The following GRK5 variants were observed in gnomAD, a reference collection of about 807,000 sequenced individuals.
The protein encoded by GRK5 is G protein-coupled receptor kinase 5, also known as g protein-coupled receptor kinase GRK5.
A neutral mutation model predicts 78.4 loss-of-function variants in GRK5; 40 were observed. The observed-to-expected ratio is 0.51, with a 90% CI of 0.40 to 0.66. The LOEUF (loss-of-function observed/expected upper bound fraction) is 0.66, where lower values mean the gene tolerates loss of function less well. GRK5 is among the 30% of genes least tolerant of loss of function. The pLI is 0.00. For missense variants in GRK5, 598 were observed against 759.9 expected (o/e 0.79, Z 2.50); for synonymous variants, 289 against 296.8 (o/e 0.97, Z 0.27).
Position 119,379,904 on chromosome 10 carries a change from C to T in GRK5, c.149-911C>T, listed in dbSNP as rs753510862. ...AGTAACACAGCAAATTGTTGGCTAA[C>T]ACCATGGTCTCTGGGCCTCTTGGTG... is the stretch of plus-strand genomic sequence containing the variant. On this transcript the variant is annotated intron_variant, in intron 2 of 15. Coordinates refer to ENST00000392870, the MANE Select transcript of GRK5 (RefSeq NM_005308.3). The surrounding 1 kb of genome is among the most constrained non-coding windows in gnomAD (Gnocchi z 4.1). Among the ~76,000 whole-genome samples the T allele has an allele frequency of 6.6e-6, 1 of 152,144 alleles. No individual in the cohort carries two copies. The highest frequency in any genetic ancestry group is 2.4e-5 in the African/African-American group (1 of 41,430).
chr10:119,396,058 T>C (rs561814986), intron 3 of GRK5, among the ~76,000 whole-genome samples: 1 of 152,366 alleles, frequency 6.6e-6, no homozygotes, highest in South Asian at 2.1e-4. Context: ...TTGTTTATCC[T>C]TGCAAGGTGT....
chr10:119,230,923 G>A (rs1179982308), intron 1 of GRK5, among the ~76,000 whole-genome samples: 1 of 151,288 alleles, frequency 6.6e-6, no homozygotes, highest in Admixed American at 6.6e-5. Flanking sequence ...AGATCTGGCA[G>A]CAGAAGCTGT....
Position 119,290,371 on chromosome 10 carries a change from C to A in GRK5, c.53-36145C>A, listed in dbSNP as rs112689527. ...CAAAAAAAAAAAAAAAAACAAAAAA[C>A]AACTCTGTCCCCTTCTCCCTGTGGC... On this transcript the variant is annotated intron_variant, in intron 1 of 15. Coordinates refer to ENST00000392870, the MANE Select transcript of GRK5 (RefSeq NM_005308.3). 6.8e-3 allele frequency among the ~76,000 whole-genome samples: 665 copies of A among 98,102 alleles called. 15 individuals are homozygous for A. Among genetic ancestry groups the A allele is most frequent in the Middle Eastern group, 0.018 (4 of 220 alleles). The allele number at this position is 98,102 out of a possible 152,430, so 64.4% of individuals were successfully genotyped here.
intron 1 of GRK5, among the ~76,000 whole-genome samples, chr10:119,284,953 G>A (rs991936413): frequency 3.9e-5 from 6 of 152,368 alleles, no homozygotes; most frequent in East Asian, 3.9e-4. Flanking sequence ...GCCAGTCTGC[G>A]TGGGGATCTG....
intron 10 of GRK5, among the ~76,000 whole-genome samples, 157 bp downstream of exon 10, chr10:119,439,925 T>C (rs915116): frequency 1 from 151,828 of 152,312 alleles, 75,674 homozygotes; most frequent in Middle Eastern, 1. Context: ...AAGCTGTGAG[T>C]GTGAACAGAG....
chr10:119,384,332 T>C (rs542300981), intron 3 of GRK5, among the ~76,000 whole-genome samples: 2 of 152,340 alleles, frequency 1.3e-5, no homozygotes, highest in South Asian at 4.1e-4. Context: ...GCCACACTGC[T>C]GCCCCGTGCT....
At position 119,336,460 on chromosome 10, in the gene GRK5, G is replaced by T. The variant is rs891558666; in HGVS notation, c.148+9849G>T. On this transcript the variant is annotated intron_variant, in intron 2 of 15. Coordinates refer to ENST00000392870, the MANE Select transcript of GRK5 (RefSeq NM_005308.3). This position sits in a 1 kb window ranked among gnomAD's most constrained non-coding sequence, Gnocchi z 4.5. ...TAAGATTGTTTTTTTTTTAAAAAAA[G>T]AATGAATTGGCATGTTCTTTGTCTA... Among the ~76,000 whole-genome samples the T allele has an allele frequency of 2.0e-5, 3 of 152,032 alleles. No individual in the cohort carries two copies. The highest frequency in any genetic ancestry group is 6.6e-5 in the Admixed American group (1 of 15,260).
chr10:119,423,043 A>T, intron 4 of GRK5, 123 bp from the exon 5 acceptor site: 1 of 712,754 alleles, frequency 1.4e-6, no homozygotes, highest in Non-Finnish European at 2.6e-6. Context: ...TGGGGCACAG[A>T]CGGGCTGCCA....
rs150224735 is a variant in GRK5 at position 119,251,075 on chromosome 10, C to T, written c.52+43106C>T. 8.6e-5 allele frequency among the ~76,000 whole-genome samples: 13 copies of T among 151,982 alleles called. No individual in the cohort carries two copies. In the East Asian group the frequency reaches 1.7e-3, roughly 20 times the overall value. On this transcript the variant is annotated intron_variant, in intron 1 of 15. Transcript: ENST00000392870. Reference sequence around the variant, plus strand: ...CTGGTTTTGTGTGTGTTTTCAATGACGAACATTTGCATTCTTTCCTCCCCT... The same window carrying T: ...CTGGTTTTGTGTGTGTTTTCAATGATGAACATTTGCATTCTTTCCTCCCCT...
At chr10:119,273,090 T>C (rs1213380217) in intron 1 of GRK5, among the ~76,000 whole-genome samples, 4 of 152,166 alleles carry the variant, frequency 2.6e-5, no homozygotes, top group Non-Finnish European at 1.5e-5. Context: ...ATTCCATGCC[T>C]CGGAATATGA....
In GRK5 at chr10:119,425,063, C is replaced by T; in HGVS notation, c.511C>T (p.Leu171Phe). The T allele has an allele frequency of 6.2e-7, 1 of 1,613,658 alleles. No homozygotes were observed. The highest frequency in any genetic ancestry group is 8.5e-7 in the Non-Finnish European group (1 of 1,179,578). The change falls in exon 6 of 16, where the codon CTC becomes TTC. Residue 171 changes from leucine to phenylalanine, a missense_variant. Coordinates refer to ENST00000392870, the MANE Select transcript of GRK5 (RefSeq NM_005308.3). Reference sequence around the variant, plus strand: ...GGACAGCATGTTTTTTGACCGCTTTCTCCAGTGGAAGTGGTTGGAAAGGTG... The same window carrying T: ...GGACAGCATGTTTTTTGACCGCTTTTTCCAGTGGAAGTGGTTGGAAAGGTG... ...YLDSMFFDRFLQWKWLERQPV... is the reference protein window; with the variant it reads ...YLDSMFFDRFFQWKWLERQPV...
chr10:119,396,899 C>T (rs1852064619), intron 4 of GRK5, 127 bp downstream of exon 4: 2 of 753,338 alleles, frequency 2.7e-6, no homozygotes, highest in Admixed American at 2.1e-5. Flanking sequence ...TTGTTGACCT[C>T]CTGAGATCAC....
chr10:119,380,948 G>C, intron 3 of GRK5, 21 bp downstream of exon 3: 2 of 1,440,820 alleles, frequency 1.4e-6, no homozygotes, highest in South Asian at 2.3e-5. Flanking sequence ...GCTCCTGAGG[G>C]ATGGTCCTGT....
intron 2 of GRK5, among the ~76,000 whole-genome samples, chr10:119,372,174 G>C (rs76715418): frequency 5.1e-4 from 77 of 152,316 alleles, no homozygotes; most frequent in African/African-American, 1.9e-3. Context: ...GTAGGATTCA[G>C]ACCCAAGCCT....
chr10:119,453,050 G>A, intron 14 of GRK5, 95 bp from the exon 15 acceptor site: 1 of 901,152 alleles, frequency 1.1e-6, no homozygotes, highest in Non-Finnish European at 1.9e-6. Flanking sequence ...CTCAGGGGCA[G>A]GTGAGGCCAG....
rs1852820840 is a variant in GRK5 at position 119,431,649 on chromosome 10, T to C, written c.738+122T>C. The C allele has an allele frequency of 8.5e-7, 1 of 1,171,566 alleles. No homozygotes were observed. The highest frequency in any genetic ancestry group is 1.6e-5 in the South Asian group (1 of 63,604). 72.6% of individuals were successfully genotyped at this position (1,171,566 alleles called of 1,614,324 possible). A position where few individuals can be genotyped will look rare whatever the true frequency, so the allele number is the denominator to read the frequency against. ...CCACCCCTGGGAAGGGGAATGCCAG[T>C]GGCAGCGCTGAGCTACAGAAAGGCC... On this transcript the variant is annotated intron_variant, in intron 8 of 15. Coordinates refer to ENST00000392870, the MANE Select transcript of GRK5 (RefSeq NM_005308.3). The surrounding 1 kb of genome is among the most constrained non-coding windows in gnomAD (Gnocchi z 4.8).
intron 15 of GRK5, among the ~76,000 whole-genome samples, chr10:119,453,803 C>A (rs1031373218): frequency 5.3e-5 from 8 of 152,334 alleles, no homozygotes; most frequent in African/African-American, 1.7e-4. Context: ...CCCCACAGAA[C>A]CTTCCGGCTC....
chr10:119,433,277 G>A (rs1223989184), intron 8 of GRK5, among the ~76,000 whole-genome samples: 2 of 152,114 alleles, frequency 1.3e-5, no homozygotes, highest in South Asian at 2.1e-4. Flanking sequence ...TCTTGAGTCC[G>A]AAACCTTCCT....
In GRK5 at chr10:119,458,039, A is replaced by G. The variant is rs1338456560; in HGVS notation, c.*2972A>G. ...GATATTTTAAAATTAAAAGCAAACA[A>G]CACTGTCCACCCATCTACCTGTCCA... On this transcript the variant is annotated 3_prime_UTR_variant, in exon 16 of 16. Transcript: ENST00000392870. 2.0e-5 allele frequency: 3 copies of G among 152,190 alleles called. No individual in the cohort carries two copies. Among genetic ancestry groups the G allele is most frequent in the African/African-American group, 7.2e-5 (3 of 41,424 alleles). The allele number at this position is 152,190 out of a possible 1,614,324, so 9.4% of individuals were successfully genotyped here. A position where few individuals can be genotyped will look rare whatever the true frequency, so the allele number is the denominator to read the frequency against.
Sources: allele counts gnomAD v4.1 joint callset (sites outside exome capture counted in the v4.1 genomes callset), GRCh38; gene constraint gnomAD v4.1.1; non-coding constraint Gnocchi (gnomAD v3.1); transcripts MANE v1.5; gene names NCBI Gene and HGNC (gene_info 2026-07-23, HGNC 2026-07-21).